ANKS3: variants seen among roughly 807,000 people sequenced by gnomAD.
ANKS3 encodes ankyrin repeat and SAM domain-containing protein 3.
In ANKS3, 62 loss-of-function variants were observed where a neutral mutation model predicts 80.7. That is an observed-to-expected ratio of 0.77 (90% CI 0.63 to 0.95). The LOEUF (loss-of-function observed/expected upper bound fraction) is 0.95. Ranked by LOEUF, ANKS3 falls within the 40% of genes least tolerant of loss-of-function variation. ANKS3 has a pLI of 0.00. For synonymous variants in ANKS3, 489 were observed against 355.3 expected (o/e 1.38, Z -4.23); for missense variants, 1,150 against 883.6 (o/e 1.30, Z -3.82).
intron 7 of ANKS3, among the ~76,000 whole-genome samples, chr16:4,712,562 C>A (rs147440968): frequency 6.6e-6 from 1 of 152,066 alleles, no homozygotes; most frequent in Non-Finnish European, 1.5e-5. Context: ...AGACAATCTA[C>A]CATATGAAAA....
At chr16:4,725,087 C>T in intron 5 of ANKS3, 1 of 339,288 alleles carries the variant, frequency 2.9e-6, no homozygotes, top group Non-Finnish European at 5.3e-6. Context: ...CACCTGTTGG[C>T]TATTCCCACT....
chr16:4,711,451 G>A (rs2080479549), intron 7 of ANKS3, among the ~76,000 whole-genome samples: 1 of 151,578 alleles, frequency 6.6e-6, no homozygotes, highest in Non-Finnish European at 1.5e-5. Flanking sequence ...GGGTGCGGTG[G>A]CTCACACCTA....
At chr16:4,725,953 C>G (rs538401515) in intron 5 of ANKS3, among the ~76,000 whole-genome samples, 6 of 150,102 alleles carry the variant, frequency 4.0e-5, no homozygotes, top group Non-Finnish European at 4.4e-5. Flanking sequence ...CCACTGAGCC[C>G]GGCCAAAACT....
At chr16:4,726,553 G>A (rs578240889) in intron 5 of ANKS3, 106 bp downstream of exon 5, 49 of 1,269,008 alleles carry the variant, frequency 3.9e-5, no homozygotes, top group Admixed American at 3.3e-4. Flanking sequence ...CTCTCGTGCC[G>A]AAGCAGGGTG....
Position 4,697,348 on chromosome 16 carries a change from G to T in ANKS3, c.1879C>A (p.Arg627Ser). 1 of 1,607,838 alleles carries T rather than the reference G, an allele frequency of 6.2e-7. No homozygotes were observed. Among genetic ancestry groups the T allele is most frequent in the Non-Finnish European group, 8.5e-7 (1 of 1,176,408 alleles). The stretch of plus-strand genomic sequence containing the variant: ...GGAGACTCACCCATCTCACGGACAC[G>T]GTCCTCCAGGGCTCCCGAGAGCTCG... Reference protein sequence around the residue: ...LPELSGALEDRVREMGQALCL... With the variant: ...LPELSGALEDSVREMGQALCL... Residue 627 changes from arginine to serine, a missense_variant, in exon 16 of 18, where the codon CGT (arginine) becomes AGT (serine). Transcript: ENST00000304283.
At chr16:4,730,606 C>T (rs1328060821) in intron 2 of ANKS3, among the ~76,000 whole-genome samples, 1 of 152,182 alleles carries the variant, frequency 6.6e-6, no homozygotes, top group Non-Finnish European at 1.5e-5. Context: ...GTGGCTCACA[C>T]CTGTAATCCC....
intron 9 of ANKS3, 82 bp from the exon 10 acceptor site, chr16:4,701,625 C>G (rs2079911257): frequency 1.6e-6 from 2 of 1,219,282 alleles, no homozygotes; most frequent in African/African-American, 3.0e-5. Context: ...GAGCCGCCTC[C>G]ACCAGGGCAC....
intron 6 of ANKS3, among the ~76,000 whole-genome samples, chr16:4,721,851 G>T (rs974641671): frequency 4.0e-5 from 6 of 151,090 alleles, no homozygotes; most frequent in African/African-American, 1.5e-4. Context: ...GGCCAAGCTG[G>T]TCTCAAACTC....
chr16:4,733,986 T>C lies in ANKS3; in HGVS notation c.-119A>G. The C allele has an allele frequency of 1.0e-6, 1 of 985,484 alleles. No homozygotes were observed. Among genetic ancestry groups the C allele is most frequent in the Non-Finnish European group, 1.2e-6 (1 of 829,976 alleles). The allele number at this position is 985,484 out of a possible 1,614,324, so 61.0% of individuals were successfully genotyped here. A position where few individuals can be genotyped will look rare whatever the true frequency, so the allele number is the denominator to read the frequency against. Reference sequence around the variant, plus strand: ...CCCGGCCACATCCCCACAGGAACGCTACGGCGCACAGGGCATTACTGTGCC... The same window carrying C: ...CCCGGCCACATCCCCACAGGAACGCCACGGCGCACAGGGCATTACTGTGCC... On this transcript the variant is annotated 5_prime_UTR_variant, in exon 1 of 18. An upstream open reading frame in the 5' UTR loses its in-frame stop. Transcript: ENST00000304283.
At chr16:4,719,902 G>A (rs1000681624) in intron 6 of ANKS3, among the ~76,000 whole-genome samples, 1 of 152,024 alleles carries the variant, frequency 6.6e-6, no homozygotes, top group African/African-American at 2.4e-5. Context: ...AGTGGCTCAC[G>A]CCTGTAATCC....
intron 6 of ANKS3, among the ~76,000 whole-genome samples, chr16:4,722,929 C>CA (rs969402269): frequency 0.013 from 1,160 of 91,578 alleles, 10 homozygotes; most frequent in African/African-American, 0.023. Flanking sequence ...CTTCTGTCTC[C>CA]AAAAAAAAAA....
Position 4,727,083 on chromosome 16 carries a change from G to T in ANKS3, c.265C>A (p.Leu89Ile), listed in dbSNP as rs200665326. ...ACATTCACACTCACCCCCGCCTCAA[G>T]CAGCAGGTGCACGATTGTGTCGTGG... ...IGHDTIVHLL[L>I]EAGVSVNVPT... is the part of the protein sequence containing the mutation. Residue 89 changes from leucine to isoleucine, a missense_variant, in exon 4 of 18, where the codon CTT becomes ATT. Transcript: ENST00000304283. 8.2e-5 allele frequency: 133 copies of T among 1,614,092 alleles called. No homozygotes were observed. Among genetic ancestry groups the T allele is most frequent in the Middle Eastern group, 6.6e-4 (4 of 6,084 alleles).
chr16:4,723,703 TA>T (rs2081218687), intron 6 of ANKS3, among the ~76,000 whole-genome samples: 1 of 152,216 alleles, frequency 6.6e-6, no homozygotes, highest in Non-Finnish European at 1.5e-5. Flanking sequence ...AATTCCTCAG[TA>T]GATGGACTTG....
At chr16:4,719,228 A>G (rs1166656769) in intron 6 of ANKS3, among the ~76,000 whole-genome samples, 1 of 152,300 alleles carries the variant, frequency 6.6e-6, no homozygotes, top group Non-Finnish European at 1.5e-5. Context: ...GCTACTCAGG[A>G]GGCTGAGTTG....
intron 15 of ANKS3, 112 bp downstream of exon 15, chr16:4,697,865 G>A: frequency 8.7e-6 from 9 of 1,033,602 alleles, no homozygotes; most frequent in South Asian, 1.7e-5. Context: ...ACAGGGACCT[G>A]GGAGAGTGGC....
At chr16:4,721,621 TATTG>T (rs368359567) in intron 6 of ANKS3, among the ~76,000 whole-genome samples, 37 of 97,068 alleles carry the variant, frequency 3.8e-4, no homozygotes, top group African/African-American at 1.1e-3. Flanking sequence ...TTTATTGATT[TATTG>T]ATTTATTTAT....
At chr16:4,705,383 A>G in intron 7 of ANKS3, 130 bp from the exon 8 acceptor site, 1 of 1,146,776 alleles carries the variant, frequency 8.7e-7, no homozygotes, top group Non-Finnish European at 1.2e-6. Context: ...CTGCCAGGGC[A>G]TCACTTCTGA....
At chr16:4,717,230 A>C (rs2080849342) in intron 6 of ANKS3, among the ~76,000 whole-genome samples, 1 of 151,764 alleles carries the variant, frequency 6.6e-6, no homozygotes. Context: ...CAACAGACGA[A>C]GCAAGACTCT....
intron 6 of ANKS3, among the ~76,000 whole-genome samples, chr16:4,718,787 G>A (rs890237727): frequency 6.6e-6 from 1 of 152,316 alleles, no homozygotes; most frequent in East Asian, 1.9e-4. Context: ...TTTGATTCTT[G>A]TCAAGTGCTG....
Sources: allele counts gnomAD v4.1 joint callset (sites outside exome capture counted in the v4.1 genomes callset), GRCh38; gene constraint gnomAD v4.1.1; transcripts MANE v1.5; gene names NCBI Gene and HGNC (gene_info 2026-07-23, HGNC 2026-07-21).